IMMP2L: variants seen among roughly 807,000 people sequenced by gnomAD.
The protein encoded by IMMP2L is inner mitochondrial membrane peptidase subunit 2, also known as mitochondrial inner membrane protease subunit 2.
A neutral mutation model predicts 19.3 loss-of-function variants in IMMP2L; 18 were observed. The ratio of observed to expected loss-of-function variants is 0.93; its 90% confidence interval spans 0.64 to 1.38. The LOEUF is 1.38. Ranked by LOEUF, IMMP2L falls within the 40% of genes most tolerant of loss-of-function variation. The pLI is 0.00. For missense variants in IMMP2L, 233 were observed against 218.2 expected (o/e 1.07, Z -0.43); for synonymous variants, 76 against 73.0 (o/e 1.04, Z -0.21).
At chr7:110,862,192 T>C (rs892942048) in intron 5 of IMMP2L, among the ~76,000 whole-genome samples, 2 of 151,922 alleles carry the variant, frequency 1.3e-5, no homozygotes, top group Admixed American at 6.6e-5. Context: ...AGAATGTCTT[T>C]AGAGAAGACT....
At chr7:111,442,332 A>G (rs1241797822) in intron 3 of IMMP2L, among the ~76,000 whole-genome samples, 1 of 151,846 alleles carries the variant, frequency 6.6e-6, no homozygotes, top group Non-Finnish European at 1.5e-5. Flanking sequence ...AACTGTAGGA[A>G]GTTATAGCCA....
At chr7:111,330,888 C>A (rs960491704) in intron 3 of IMMP2L, among the ~76,000 whole-genome samples, 2 of 151,932 alleles carry the variant, frequency 1.3e-5, no homozygotes, top group African/African-American at 4.8e-5. Context: ...TATCATCTTA[C>A]ACTTATCAGA....
intron 4 of IMMP2L, chr7:110,963,167 G>T: frequency 8.9e-7 from 1 of 1,120,158 alleles, no homozygotes; most frequent in South Asian, 1.7e-5. Flanking sequence ...TTTTTTAAAT[G>T]AACCTTAACA....
At chr7:111,451,957 T>G (rs974060937) in intron 3 of IMMP2L, among the ~76,000 whole-genome samples, 2 of 152,136 alleles carry the variant, frequency 1.3e-5, no homozygotes, top group African/African-American at 2.4e-5. Context: ...AATAGTGCCT[T>G]TCCACACAGA....
At chr7:111,180,056 C>T (rs1318878236) in intron 3 of IMMP2L, among the ~76,000 whole-genome samples, 1 of 151,994 alleles carries the variant, frequency 6.6e-6, no homozygotes, top group Non-Finnish European at 1.5e-5. Flanking sequence ...CCAGAACTCC[C>T]AAACTTTCTC....
intron 1 of IMMP2L, among the ~76,000 whole-genome samples, chr7:111,538,887 G>A (rs931393363): frequency 6.7e-6 from 1 of 149,918 alleles, no homozygotes; most frequent in Non-Finnish European, 1.5e-5. Context: ...TTGGGAGGCT[G>A]AGGTGGGCAG....
At chr7:110,779,290 CAA>C (rs1799587758) in intron 5 of IMMP2L, among the ~76,000 whole-genome samples, 1 of 151,954 alleles carries the variant, frequency 6.6e-6, no homozygotes. Context: ...AAAATGAAAT[CAA>C]AGTTATTTTT....
intron 5 of IMMP2L, chr7:110,665,135 A>G (rs11980038): frequency 2.0e-5 from 3 of 152,272 alleles, no homozygotes; most frequent in African/African-American, 7.2e-5. Context: ...CTTGGGCTCA[A>G]TAAAGGGTTC....
intron 3 of IMMP2L, among the ~76,000 whole-genome samples, chr7:111,354,381 C>A (rs1828484741): frequency 6.6e-6 from 1 of 151,656 alleles, no homozygotes; most frequent in African/African-American, 2.4e-5. Context: ...TAATTTCCAC[C>A]TAAGGTAAAC....
chr7:110,925,916 C>G (rs1361574150), intron 4 of IMMP2L, among the ~76,000 whole-genome samples: 1 of 151,906 alleles, frequency 6.6e-6, no homozygotes, highest in African/African-American at 2.4e-5. Flanking sequence ...TAGTATAAGA[C>G]CTAATTTAGA....
chr7:111,214,512 T>TG (rs1295554593), intron 3 of IMMP2L, among the ~76,000 whole-genome samples: 1 of 143,562 alleles, frequency 7.0e-6, no homozygotes, highest in Non-Finnish European at 1.5e-5. Context: ...CTGTTTTTTT[T>TG]TTTTTTTTTT....
chr7:111,517,851 A>G (rs1038343038), intron 2 of IMMP2L, among the ~76,000 whole-genome samples: 1 of 152,124 alleles, frequency 6.6e-6, no homozygotes, highest in Non-Finnish European at 1.5e-5. Context: ...ATTCATGTGC[A>G]TGAGGGGAAT....
At position 111,123,344 on chromosome 7, in the gene IMMP2L, A is replaced by G. The variant is rs1751496050; in HGVS notation, c.240-159779T>C. 6.2e-7 allele frequency: 1 copy of G among 1,613,712 alleles called. No individual in the cohort carries two copies. The highest frequency in any genetic ancestry group is 1.1e-5 in the South Asian group (1 of 91,060). ...TGGTTTGATGCTCTTCCAAATCTAG[A>G]GATTCTGATGATTGGGGAAAATCCA... is the stretch of plus-strand genomic sequence containing the variant. On this transcript the variant is annotated intron_variant, in intron 3 of 5. Transcript: ENST00000405709. This position sits in a 1 kb window ranked among gnomAD's most constrained non-coding sequence, Gnocchi z 6.4.
intron 3 of IMMP2L, among the ~76,000 whole-genome samples, chr7:111,229,369 A>G (rs1335154005): frequency 6.6e-6 from 1 of 152,098 alleles, no homozygotes; most frequent in African/African-American, 2.4e-5. Context: ...GTATCATGAT[A>G]CATGATAAAA....
At chr7:110,737,521 C>T (rs1461981967) in intron 5 of IMMP2L, among the ~76,000 whole-genome samples, 1 of 152,182 alleles carries the variant, frequency 6.6e-6, no homozygotes, top group Non-Finnish European at 1.5e-5. Flanking sequence ...AGCAAGCCCA[C>T]CCCAAGAAGA....
At chr7:111,067,616 G>T (rs566880843) in intron 3 of IMMP2L, among the ~76,000 whole-genome samples, 56 of 152,240 alleles carry the variant, frequency 3.7e-4, no homozygotes, top group African/African-American at 1.3e-3. Context: ...CCTAATCTGA[G>T]TGGACTATTT....
chr7:111,021,289 C>A (rs536753187), intron 3 of IMMP2L, among the ~76,000 whole-genome samples: 4 of 152,284 alleles, frequency 2.6e-5, no homozygotes, highest in Non-Finnish European at 4.4e-5. Context: ...TTCTATTTAG[C>A]AAATATTTAT....
chr7:111,161,882 G>A (rs903133690), intron 3 of IMMP2L, among the ~76,000 whole-genome samples: 1 of 151,842 alleles, frequency 6.6e-6, no homozygotes, highest in African/African-American at 2.4e-5. Flanking sequence ...AAGACAACCT[G>A]ACAAACTAAA....
chr7:111,529,655 T>C (rs949389414), intron 1 of IMMP2L, among the ~76,000 whole-genome samples: 99 of 152,240 alleles, frequency 6.5e-4, no homozygotes, highest in Middle Eastern at 3.4e-3. Flanking sequence ...GGCATAAAGT[T>C]AGTCATTTTT....
Sources: gnomAD v4.1 joint callset for allele counts (sites outside exome capture counted in the v4.1 genomes callset) on GRCh38, gnomAD v4.1.1 for gene constraint, Gnocchi (gnomAD v3.1) non-coding constraint, MANE v1.5 for transcripts, NCBI Gene and HGNC (gene_info 2026-07-23, HGNC 2026-07-21) for gene names.